Variants in TMEM132D observed in about 807,000 individuals in gnomAD.
TMEM132D encodes the protein transmembrane protein 132D, also known as mature OL transmembrane protein.
TMEM132D carries 21 observed loss-of-function variants against 62.3 expected under a neutral mutation model. The ratio of observed to expected loss-of-function variants is 0.34; its 90% confidence interval spans 0.24 to 0.49. The LOEUF (loss-of-function observed/expected upper bound fraction) is 0.49. Ranked by LOEUF, TMEM132D falls within the 20% of genes least tolerant of loss-of-function variation. TMEM132D has a pLI of 0.99. For missense variants in TMEM132D, 1,346 were observed against 1,402.8 expected, an observed-to-expected ratio of 0.96 and a Z score of 0.65; for synonymous variants, 621 against 575.6, an observed-to-expected ratio of 1.08 and a Z score of -1.13.
chr12:129,204,196 T>A (rs570810219), intron 5 of TMEM132D, among the ~76,000 whole-genome samples: 13 of 152,232 alleles, frequency 8.5e-5, no homozygotes, highest in Admixed American at 7.8e-4. Context: ...ATGGCTGAAA[T>A]GATATAAATA....
intron 2 of TMEM132D, among the ~76,000 whole-genome samples, chr12:129,556,449 C>T (rs1399962796): frequency 6.6e-6 from 1 of 151,544 alleles, no homozygotes; most frequent in African/African-American, 2.4e-5. Context: ...ATGTCTTCCC[C>T]TGGCAATGGG....
intron 3 of TMEM132D, among the ~76,000 whole-genome samples, chr12:129,470,074 C>A (rs1566080116): frequency 6.6e-6 from 1 of 152,168 alleles, no homozygotes; most frequent in Non-Finnish European, 1.5e-5. Context: ...TGGGGAGATA[C>A]TGGACGGATC....
chr12:129,102,011 T>C, intron 5 of TMEM132D, among the ~76,000 whole-genome samples: 1 of 148,660 alleles, frequency 6.7e-6, no homozygotes, highest in Non-Finnish European at 1.5e-5. Context: ...TCTCTCTCTC[T>C]CTTCATGGAA....
At chr12:129,662,812 A>AAAAGAG (rs1555224287) in intron 2 of TMEM132D, among the ~76,000 whole-genome samples, 1,034 of 83,394 alleles carry the variant, frequency 0.012, 33 homozygotes, top group African/African-American at 0.017. Context: ...AAAAAAAAAA[A>AAAAGAG]AGAGAGAGAG....
chr12:129,607,033 C>T (rs188187525), intron 2 of TMEM132D, among the ~76,000 whole-genome samples: 4 of 151,818 alleles, frequency 2.6e-5, no homozygotes, highest in Admixed American at 6.6e-5. Flanking sequence ...ATCTCTGTGT[C>T]TCCACTGCTT....
chr12:129,461,853 T>C (rs1319882138), intron 3 of TMEM132D, among the ~76,000 whole-genome samples: 3 of 152,108 alleles, frequency 2.0e-5, no homozygotes, highest in African/African-American at 7.2e-5. Flanking sequence ...GGTACACACA[T>C]GCATGAACAC....
chr12:129,310,151 G>A (rs949612851), intron 4 of TMEM132D, among the ~76,000 whole-genome samples: 2 of 152,156 alleles, frequency 1.3e-5, no homozygotes, highest in South Asian at 2.1e-4. Flanking sequence ...ACAACTGTGC[G>A]TGATTGCTAC....
intron 2 of TMEM132D, among the ~76,000 whole-genome samples, chr12:129,659,392 G>C (rs11060486): frequency 0.24 from 36,008 of 152,088 alleles, 4,581 homozygotes; most frequent in Admixed American, 0.29. Context: ...CACTCACAAA[G>C]AGCCTTCCTC....
intron 5 of TMEM132D, among the ~76,000 whole-genome samples, chr12:129,169,482 G>T (rs1419492809): frequency 6.6e-6 from 1 of 152,196 alleles, no homozygotes; most frequent in African/African-American, 2.4e-5. Context: ...CTGTATCTAG[G>T]ACTGGCAATC....
chr12:129,096,784 T>C (rs1875130019), intron 5 of TMEM132D, among the ~76,000 whole-genome samples: 1 of 152,256 alleles, frequency 6.6e-6, no homozygotes, highest in Admixed American at 6.5e-5. Flanking sequence ...GTCCATATTC[T>C]ATAGCCTATT....
intron 4 of TMEM132D, among the ~76,000 whole-genome samples, chr12:129,221,306 C>A (rs1879339738): frequency 6.6e-6 from 1 of 152,184 alleles, no homozygotes; most frequent in Non-Finnish European, 1.5e-5. Flanking sequence ...TTCCTCCTGA[C>A]CCACACAGGA....
intron 1 of TMEM132D, among the ~76,000 whole-genome samples, chr12:129,817,841 GGTGT>G (rs1029279034): frequency 2.0e-5 from 3 of 149,068 alleles, no homozygotes; most frequent in Non-Finnish European, 4.5e-5. Context: ...TGTGGTTTGG[GGTGT>G]GTGTGTATGT....
At chr12:129,738,379 G>T (rs1234040740) in intron 1 of TMEM132D, among the ~76,000 whole-genome samples, 1 of 152,016 alleles carries the variant, frequency 6.6e-6, no homozygotes, top group East Asian at 1.9e-4. Context: ...AGAGAGAAAA[G>T]GGAGGAAGAA....
chr12:129,231,091 A>G (rs917906587), intron 4 of TMEM132D, among the ~76,000 whole-genome samples: 1 of 152,198 alleles, frequency 6.6e-6, no homozygotes, highest in Admixed American at 6.5e-5. Flanking sequence ...CTGTGAATTT[A>G]CTGTCTGTTC....
intron 5 of TMEM132D, among the ~76,000 whole-genome samples, chr12:129,163,348 G>A (rs1877451837): frequency 6.6e-6 from 1 of 152,126 alleles, no homozygotes; most frequent in South Asian, 2.1e-4. Context: ...TGAGTTCTGG[G>A]ACTCTGCTGC....
intron 3 of TMEM132D, among the ~76,000 whole-genome samples, chr12:129,343,438 AT>A (rs1293674383): frequency 5.7e-5 from 8 of 140,984 alleles, no homozygotes; most frequent in African/African-American, 1.8e-4. Flanking sequence ...GGGTGGGGGG[AT>A]GGGGGAGGGA....
At chr12:129,729,522 C>G (rs1332399627) in intron 1 of TMEM132D, among the ~76,000 whole-genome samples, 1 of 148,804 alleles carries the variant, frequency 6.7e-6, no homozygotes, top group Non-Finnish European at 1.5e-5. Flanking sequence ...TCTAGTCATA[C>G]TGGAATACCT....
intron 1 of TMEM132D, among the ~76,000 whole-genome samples, chr12:129,793,315 T>A (rs968481554): frequency 7.2e-5 from 11 of 152,148 alleles, no homozygotes; most frequent in African/African-American, 2.7e-4. Flanking sequence ...CTTCTTGAGT[T>A]TTTTTTCCCC....
chr12:129,076,180 G>C (rs766025402), intron 8 of TMEM132D, among the ~76,000 whole-genome samples: 7 of 152,152 alleles, frequency 4.6e-5, no homozygotes, highest in Non-Finnish European at 7.3e-5. Context: ...ATAAAATTGG[G>C]GAATGAAGCC....
Sources: gnomAD v4.1 joint callset for allele counts (sites outside exome capture counted in the v4.1 genomes callset) on GRCh38, gnomAD v4.1.1 for gene constraint, MANE v1.5 for transcripts, NCBI Gene and HGNC (gene_info 2026-07-23, HGNC 2026-07-21) for gene names.